The following ZNF732 variants were observed in gnomAD, a reference collection of about 807,000 sequenced individuals.
ZNF732 encodes zinc finger protein LOC654254.
In ZNF732, 12 loss-of-function variants were observed where a neutral mutation model predicts 11.5. The ratio of observed to expected loss-of-function variants is 1.05; its 90% CI spans 0.67 to 1.70. The LOEUF is 1.70. ZNF732 is among the 40% of genes most tolerant of loss of function. The pLI, the probability that ZNF732 is intolerant of heterozygous loss-of-function variation, is 0.00. For missense variants in ZNF732, 702 were observed against 676.9 expected, an observed-to-expected ratio of 1.04 and a Z score of -0.41; for synonymous variants, 231 against 236.5, an observed-to-expected ratio of 0.98 and a Z score of 0.21.
intron 3 of ZNF732, among the ~76,000 whole-genome samples, chr4:283,970 G>C (rs1172181140): frequency 2.0e-5 from 3 of 152,012 alleles, no homozygotes; most frequent in Non-Finnish European, 4.4e-5. Context: ...TAGTGCAGTG[G>C]TGCGATCTCG....
intron 1 of ZNF732, among the ~76,000 whole-genome samples, chr4:304,869 G>T (rs1181247292): frequency 6.6e-6 from 1 of 152,222 alleles, no homozygotes; most frequent in African/African-American, 2.4e-5. Context: ...CCCGCTGGCA[G>T]CCCCCAAACC....
At chr4:294,202 G>A (rs1349685291) in intron 3 of ZNF732, among the ~76,000 whole-genome samples, 3 of 152,190 alleles carry the variant, frequency 2.0e-5, no homozygotes, top group Middle Eastern at 6.8e-3. Context: ...GGATTTTGCC[G>A]TGTTGGCCAG....
In ZNF732 at chr4:271,619, G is replaced by T; in HGVS notation, c.1238C>A (p.Thr413Asn). ...TTCACATTTGTGGGGCCTCTCTCCA[G>T]TATGAATTCTCTTATGTTCATTAAG... ...TTLNEHKRIHTGERPHKCEEC... is the reference protein window; with the variant it reads ...TTLNEHKRIHNGERPHKCEEC... Residue 413 changes from threonine (T) to asparagine (N), a missense_variant, in exon 4 of 4, where the codon ACT (threonine) becomes AAT (asparagine). Transcript: ENST00000419098. The T allele has an allele frequency of 1.2e-6, 2 of 1,612,028 alleles. No individual in the cohort carries two copies. Among genetic ancestry groups the T allele is most frequent in the Non-Finnish European group, 1.7e-6 (2 of 1,178,918 alleles).
chr4:303,292 G>A (rs1325037789), intron 1 of ZNF732, among the ~76,000 whole-genome samples: 1 of 152,172 alleles, frequency 6.6e-6, no homozygotes, highest in Non-Finnish European at 1.5e-5. Flanking sequence ...CGGGCCGAGA[G>A]AACTTTGAGC....
intron 3 of ZNF732, among the ~76,000 whole-genome samples, chr4:283,525 C>G (rs1446082378): frequency 6.7e-6 from 1 of 150,010 alleles, no homozygotes; most frequent in Admixed American, 6.6e-5. Flanking sequence ...AAAAAAAAAA[C>G]TTCATGATAT....
At chr4:282,104 G>GA (rs1400365502) in intron 3 of ZNF732, among the ~76,000 whole-genome samples, 11 of 152,054 alleles carry the variant, frequency 7.2e-5, no homozygotes, top group African/African-American at 2.7e-4. Flanking sequence ...TACAGAAGGG[G>GA]AAAAATCAAC....
chr4:291,095 T>C (rs6841950), intron 3 of ZNF732, among the ~76,000 whole-genome samples: 8,389 of 152,268 alleles, frequency 0.055, 365 homozygotes, highest in African/African-American at 0.12. Context: ...AAAGCTCTCC[T>C]GCTTGCAAAA....
intron 3 of ZNF732, among the ~76,000 whole-genome samples, chr4:277,899 A>C (rs929774606): frequency 2.0e-5 from 3 of 149,826 alleles, no homozygotes; most frequent in Non-Finnish European, 3.0e-5. Context: ...AGAAAACAAA[A>C]TCAGTATGTC....
chr4:301,395 G>A (rs1025055565), intron 1 of ZNF732, among the ~76,000 whole-genome samples: 2 of 152,134 alleles, frequency 1.3e-5, no homozygotes, highest in African/African-American at 2.4e-5. Flanking sequence ...TATATATCAT[G>A]CTGCTATAAA....
intron 3 of ZNF732, among the ~76,000 whole-genome samples, chr4:274,758 T>A (rs1398761604): frequency 6.6e-6 from 1 of 151,606 alleles, no homozygotes; most frequent in Non-Finnish European, 1.5e-5. Flanking sequence ...ACTGTCCTAT[T>A]TCATAAAATA....
At position 271,860 on chromosome 4, in the gene ZNF732, GT is replaced by G; in HGVS notation, c.996del (p.Lys332AsnfsTer18). 1 of 1,613,522 alleles carries G rather than the reference GT, an allele frequency of 6.2e-7. No homozygotes were observed. Among genetic ancestry groups the G allele is most frequent in the Non-Finnish European group, 8.5e-7 (1 of 1,179,840 alleles). On this transcript the variant is annotated frameshift_variant, in exon 4 of 4. Transcript: ENST00000419098. LOFTEE classifies it low-confidence loss of function (END_TRUNC). Reference sequence around the variant, plus strand: ...TTGCCACATTCTTCACATGTGTAGGGTTTCTCTCCAGTATGAATTCTGTTAT... The same window carrying G: ...TTGCCACATTCTTCACATGTGTAGGGTTCTCTCCAGTATGAATTCTGTTAT... ...TKHNRIHTGEKPYTCEECGKA... is the reference protein window; with the variant it reads ...TKHNRIHTGEXPYTCEECGKA...
rs1239370819 is a variant in ZNF732 at position 296,776 on chromosome 4, C to T, written c.4-621G>A. Among the ~76,000 whole-genome samples, 3 of 152,182 alleles carry T rather than the reference C, an allele frequency of 2.0e-5. No individual in the cohort carries two copies. The East Asian group carries it at 5.8e-4, about 29-fold the overall frequency. On this transcript the variant is annotated intron_variant, in intron 1 of 3. Coordinates refer to ENST00000419098, the MANE Select transcript of ZNF732 (RefSeq NM_001137608.3). ...TAATGCTGATGTTCCTCCACCTAGA[C>T]ACATTATATTACCACTCGGCTAGAG...
chr4:305,303 C>A lies in ZNF732; in HGVS notation c.3+5G>T, dbSNP rs782675148. 14 of 1,607,542 alleles carry A rather than the reference C, an allele frequency of 8.7e-6. No individual in the cohort carries two copies. Among genetic ancestry groups the A allele is most frequent in the Non-Finnish European group, 1.1e-5 (13 of 1,179,750 alleles). Reference sequence around the variant, plus strand: ...AGCCTTGGGACGCCCTGCCCCCACACTCACCATTTCCCCACTTCAGGGGTG... The same window carrying A: ...AGCCTTGGGACGCCCTGCCCCCACAATCACCATTTCCCCACTTCAGGGGTG... On this transcript the variant is annotated splice_donor_5th_base_variant and intron_variant, in intron 1 of 3. Coordinates refer to ENST00000419098, the MANE Select transcript of ZNF732 (RefSeq NM_001137608.3).
At chr4:279,045 T>C (rs782740970) in intron 3 of ZNF732, among the ~76,000 whole-genome samples, 13 of 152,182 alleles carry the variant, frequency 8.5e-5, no homozygotes, top group Non-Finnish European at 1.8e-4. Context: ...ATTGTGTGTG[T>C]GTCTTTTCTT....
Position 271,280 on chromosome 4 carries a change from C to G in ZNF732, c.1577G>C (p.Gly526Ala). 1.9e-6 allele frequency: 3 copies of G among 1,586,410 alleles called. No individual in the cohort carries two copies. The highest frequency in any genetic ancestry group is 2.3e-5 in the East Asian group (1 of 43,626). The change falls in exon 4 of 4, where the codon GGA becomes GCA. Residue 526 changes from glycine to alanine, a missense_variant. By Grantham distance (60) the Gly-to-Ala change is moderately conservative. Coordinates refer to ENST00000419098, the MANE Select transcript of ZNF732 (RefSeq NM_001137608.3). The part of the protein sequence containing the change: ...YLSKHKKIHT[G>A]EKPYRCEECG... ...CTCTTCACATCTATAAGGTTTCTCTCCAGTATGAATTTTCTTATGTTTACT... is the reference window on the plus strand; with the variant it reads ...CTCTTCACATCTATAAGGTTTCTCTGCAGTATGAATTTTCTTATGTTTACT...
chr4:295,307 G>GA (rs1177458654), intron 3 of ZNF732, 131 bp downstream of exon 3: 4 of 676,998 alleles, frequency 5.9e-6, no homozygotes, highest in East Asian at 2.8e-5. Flanking sequence ...ATGAATATGA[G>GA]AAAAAAATGC....
intron 1 of ZNF732, among the ~76,000 whole-genome samples, chr4:299,430 T>C (rs570458932): frequency 1.3e-3 from 100 of 77,614 alleles, no homozygotes; most frequent in African/African-American, 6.3e-3. Flanking sequence ...TATATACACA[T>C]ATGTGTATAT....
chr4:279,861 A>G (rs1719581265), intron 3 of ZNF732, among the ~76,000 whole-genome samples: 1 of 152,238 alleles, frequency 6.6e-6, no homozygotes, highest in African/African-American at 2.4e-5. Flanking sequence ...AAAAGAAAAC[A>G]GTGATGACCA....
At chr4:291,327 A>G (rs1719838994) in intron 3 of ZNF732, among the ~76,000 whole-genome samples, 1 of 152,206 alleles carries the variant, frequency 6.6e-6, no homozygotes, top group Non-Finnish European at 1.5e-5. Context: ...AGTGATCCAC[A>G]TGCCTTGGCC....
Sources: gnomAD v4.1 joint callset for allele counts (sites outside exome capture counted in the v4.1 genomes callset) on GRCh38, gnomAD v4.1.1 for gene constraint, MANE v1.5 for transcripts, NCBI Gene and HGNC (gene_info 2026-07-23, HGNC 2026-07-21) for gene names.